The following TRIM5 variants were observed in gnomAD, a reference collection of about 807,000 sequenced individuals.
The protein encoded by TRIM5 is tripartite motif containing 5, also known as tripartite motif-containing protein 5.
Under a neutral mutation model 35.6 loss-of-function variants are expected in TRIM5, and 31 were observed. That is an observed-to-expected ratio of 0.87 (90% CI 0.65 to 1.18). The LOEUF (loss-of-function observed/expected upper bound fraction) is 1.18, where lower values mean the gene tolerates loss of function less well. Ranked by LOEUF, TRIM5 falls within the 50% of genes most tolerant of loss-of-function variation. TRIM5 has a pLI of 0.00. For synonymous variants in TRIM5, 243 were observed against 215.6 expected, an observed-to-expected ratio of 1.13 and a Z score of -1.11; for missense variants, 609 against 591.6, an observed-to-expected ratio of 1.03 and a Z score of -0.31.
chr11:5,659,735 T>A (rs1850749088), downstream of TRIM5, among the ~76,000 whole-genome samples: 2 of 152,052 alleles, frequency 1.3e-5, no homozygotes, highest in Admixed American at 6.6e-5. Context: ...TTCTGGATTC[T>A]GTATAATTCT....
downstream of TRIM5, among the ~76,000 whole-genome samples, chr11:5,661,421 G>T (rs1364538755): frequency 6.6e-6 from 1 of 151,898 alleles, no homozygotes; most frequent in Non-Finnish European, 1.5e-5. Context: ...CGTATTCTTT[G>T]TCCTCCCACT....
At chr11:5,633,724 T>C in the TRIM5 span, 1 of 1,423,752 alleles carries the variant, frequency 7.0e-7, no homozygotes, top group Non-Finnish European at 9.4e-7. Flanking sequence ...TGGGATCAAC[T>C]TGATTTTTTC....
At chr11:5,598,490 A>G in the TRIM5 span, among the ~76,000 whole-genome samples, 3 of 151,904 alleles carry the variant, frequency 2.0e-5, no homozygotes, top group Non-Finnish European at 4.4e-5. Flanking sequence ...GTAATGTTAC[A>G]TACTCAAGTA....
chr11:5,621,871 C>T, the TRIM5 span, among the ~76,000 whole-genome samples: 2 of 152,060 alleles, frequency 1.3e-5, no homozygotes, highest in Admixed American at 6.6e-5. Context: ...CAGATGGAAC[C>T]AATGTACATC....
At chr11:5,615,218 T>C in the TRIM5 span, among the ~76,000 whole-genome samples, 2 of 152,198 alleles carry the variant, frequency 1.3e-5, no homozygotes, top group Non-Finnish European at 2.9e-5. Context: ...AAATGTTTCA[T>C]TTGCACTTGA....
chr11:5,645,793 C>T, the TRIM5 span: 1 of 225,474 alleles, frequency 4.4e-6, no homozygotes, highest in African/African-American at 2.4e-5. Flanking sequence ...TACATTCCCA[C>T]CTGTTCTTTG....
the TRIM5 span, chr11:5,604,486 A>C: frequency 1.3e-5 from 20 of 1,580,702 alleles, no homozygotes; most frequent in Non-Finnish European, 1.7e-5. Flanking sequence ...CTGGGTACTG[A>C]GTCAACTGAA....
chr11:5,682,462 C>A (rs1852559426), intron 1 of TRIM5, among the ~76,000 whole-genome samples: 1 of 152,102 alleles, frequency 6.6e-6, no homozygotes, highest in Non-Finnish European at 1.5e-5. Flanking sequence ...CAAACAGATG[C>A]TGTCACCAGG....
the TRIM5 span, among the ~76,000 whole-genome samples, chr11:5,601,556 G>A: frequency 1.8e-3 from 267 of 152,190 alleles, 1 homozygote; most frequent in African/African-American, 5.9e-3. Flanking sequence ...TCAGGAGTTC[G>A]AGATCAGCCT....
chr11:5,668,879 C>T, intron 4 of TRIM5, among the ~76,000 whole-genome samples: 1 of 152,156 alleles, frequency 6.6e-6, no homozygotes, highest in Non-Finnish European at 1.5e-5. Flanking sequence ...AACTTTGTCA[C>T]TTAAATGCAG....
At chr11:5,632,510 G>T in the TRIM5 span, 3 of 1,613,982 alleles carry the variant, frequency 1.9e-6, no homozygotes, top group Non-Finnish European at 2.5e-6. Flanking sequence ...CCTGTGTGTG[G>T]TATCAGTTAC....
At chr11:5,645,880 A>AT in the TRIM5 span, 19,357 of 136,504 alleles carry the variant, frequency 0.14, 1,494 homozygotes, top group South Asian at 0.22. Flanking sequence ...AAAAAAAAAA[A>AT]ATATATATAT....
At chr11:5,642,802 CTT>C in the TRIM5 span, 1 of 1,613,846 alleles carries the variant, frequency 6.2e-7, no homozygotes, top group South Asian at 1.1e-5. Flanking sequence ...ATCACTGAAT[CTT>C]TTATTATTTC....
intron 4 of TRIM5, chr11:5,669,968 T>G (rs1433188833): frequency 6.1e-6 from 1 of 164,642 alleles, no homozygotes; most frequent in Non-Finnish European, 1.4e-5. Context: ...GAGCGAGACT[T>G]CATCTGAAAA....
chr11:5,670,170 C>CT (rs3060972), intron 4 of TRIM5, among the ~76,000 whole-genome samples: 8,351 of 60,364 alleles, frequency 0.14, 1,235 homozygotes, highest in African/African-American at 0.23. Context: ...AGATGCCCAT[C>CT]TTTTTTTTTT....
the TRIM5 span, among the ~76,000 whole-genome samples, chr11:5,606,148 C>G: frequency 0.024 from 3,592 of 152,296 alleles, 147 homozygotes; most frequent in African/African-American, 0.082. Flanking sequence ...GGCACACTTA[C>G]GCCAAGCTAA....
chr11:5,615,266 C>A, the TRIM5 span, among the ~76,000 whole-genome samples: 2 of 152,140 alleles, frequency 1.3e-5, no homozygotes, highest in African/African-American at 4.8e-5. Context: ...GTACAGTGTT[C>A]AATTAACATC....
the TRIM5 span, among the ~76,000 whole-genome samples, chr11:5,650,627 T>C: frequency 6.6e-6 from 1 of 152,238 alleles, no homozygotes; most frequent in Non-Finnish European, 1.5e-5. Flanking sequence ...GTGACTTGTA[T>C]TTTGTTTTAG....
the TRIM5 span, chr11:5,641,247 T>G: frequency 3.4e-4 from 546 of 1,612,084 alleles, 4 homozygotes; most frequent in East Asian, 0.01. Context: ...TTTGTAGCTA[T>G]TAGAGTTATT....
Sources: allele counts gnomAD v4.1 joint callset (sites outside exome capture counted in the v4.1 genomes callset), GRCh38; gene constraint gnomAD v4.1.1; transcripts MANE v1.5; gene names NCBI Gene and HGNC (gene_info 2026-07-23, HGNC 2026-07-21).